LYZL2: variants seen among roughly 807,000 people sequenced by gnomAD.
LYZL2 encodes lysozyme like 2.
Under a neutral mutation model 17.1 loss-of-function variants are expected in LYZL2, and 13 were observed. The ratio of observed to expected loss-of-function variants is 0.76; its 90% CI spans 0.49 to 1.21. The LOEUF (loss-of-function observed/expected upper bound fraction) is 1.21, where lower values mean the gene tolerates loss of function less well. LYZL2 is among the 50% of genes most tolerant of loss of function. The pLI, the probability that LYZL2 is intolerant of heterozygous loss-of-function variation, is 0.00. For synonymous variants in LYZL2, 63 were observed against 74.4 expected, an observed-to-expected ratio of 0.85 and a Z score of 0.79; for missense variants, 166 against 189.2, an observed-to-expected ratio of 0.88 and a Z score of 0.72.
downstream of LYZL2, among the ~76,000 whole-genome samples, chr10:30,610,377 G>C (rs948833950): frequency 2.6e-5 from 4 of 152,180 alleles, no homozygotes; most frequent in Non-Finnish European, 4.4e-5. Context: ...AAAAGAATGA[G>C]TTCATGTCCT....
rs1391996788 is a variant in LYZL2, at chr10:30,626,223, T to C, written c.180A>G (p.Thr60=). The change falls in exon 3 of 5, where the codon ACA becomes ACG. Residue 60 remains threonine (T), a synonymous_variant. Coordinates refer to ENST00000647634, the MANE Select transcript of LYZL2 (RefSeq NM_183058.3). ...TGCCGTCATCCAGGACCGTCTGGGC[T>C]GTGGTGTTGTAGCCGCTCTCATAAT... The part of the protein sequence containing the change: ...MAYYESGYNT[T]AQTVLDDGSI... The C allele has an allele frequency of 1.2e-6, 2 of 1,614,230 alleles. No homozygotes were observed. Among genetic ancestry groups the C allele is most frequent in the Admixed American group, 1.7e-5 (1 of 60,030 alleles).
chr10:30,609,300 C>T (rs548204833), downstream of LYZL2, among the ~76,000 whole-genome samples: 4 of 152,254 alleles, frequency 2.6e-5, no homozygotes, highest in Middle Eastern at 3.4e-3. Flanking sequence ...ACACCAGCCA[C>T]GAGTTCAGAG....
Position 30,626,153 on chromosome 10 carries a change from T to C in LYZL2, c.250A>G (p.Arg84Gly), listed in dbSNP as rs753046206. ...IFQINSFAWC[R>G]RGKLKENNHC... ...TTGTTCTCCTTCAGCTTTCCGCGTC[T>C]GCACCACGCGAAGCTGTTGATCTGG... Residue 84 changes from arginine to glycine, a missense_variant, in exon 3 of 5, where the codon AGA becomes GGA. This residue lies in a region of LYZL2 where 134 missense variants were observed against 129.4 expected (regional missense o/e 1.04). Coordinates refer to ENST00000647634, the MANE Select transcript of LYZL2 (RefSeq NM_183058.3). 2 of 1,614,260 alleles carry C rather than the reference T, an allele frequency of 1.2e-6. No individual in the cohort carries two copies. Among genetic ancestry groups the C allele is most frequent in the East Asian group, 4.5e-5 (2 of 44,894 alleles).
downstream of LYZL2, among the ~76,000 whole-genome samples, chr10:30,610,508 A>C (rs1838419420): frequency 6.6e-6 from 1 of 152,192 alleles, no homozygotes. Context: ...ACACATGGAC[A>C]CTGGGAGCAG....
intron 1 of LYZL2, 37 bp from the exon 2 acceptor site, chr10:30,626,977 A>G (rs41288999): frequency 0.16 from 245,446 of 1,572,600 alleles, 9,326 homozygotes; most frequent in African/African-American, 0.36. Context: ...GACGATCTTG[A>G]TTCAGGAACT....
At chr10:30,610,918 C>T (rs1210502336), downstream of LYZL2, among the ~76,000 whole-genome samples, 2 of 152,134 alleles carry the variant, frequency 1.3e-5, no homozygotes, top group Non-Finnish European at 1.5e-5. Context: ...ACATCTCTTG[C>T]GTGCGTGTAG....
downstream of LYZL2, chr10:30,611,752 A>G: frequency 1.5e-6 from 1 of 661,788 alleles, no homozygotes; most frequent in Non-Finnish European, 2.3e-6. Flanking sequence ...AAAGAAAGAA[A>G]GGAAAGAAAG....
intron 1 of LYZL2, among the ~76,000 whole-genome samples, chr10:30,628,439 G>A (rs1275198157): frequency 6.6e-6 from 1 of 152,168 alleles, no homozygotes; most frequent in Non-Finnish European, 1.5e-5. Flanking sequence ...GGACAATAAA[G>A]AGGCCCCCAT....
At chr10:30,610,776 G>T (rs7087001), downstream of LYZL2, among the ~76,000 whole-genome samples, 2,526 of 152,082 alleles carry the variant, frequency 0.017, 71 homozygotes, top group African/African-American at 0.057. Flanking sequence ...AAAAGTGGAT[G>T]GTTTTCTTCA....
downstream of LYZL2, among the ~76,000 whole-genome samples, chr10:30,607,052 A>C (rs1180900978): frequency 6.6e-6 from 1 of 151,588 alleles, no homozygotes; most frequent in Non-Finnish European, 1.5e-5. Context: ...CTGGGATTAC[A>C]GGCACCCGCC....
intron 1 of LYZL2, among the ~76,000 whole-genome samples, chr10:30,627,935 G>T (rs372944325): frequency 1.3e-5 from 2 of 152,172 alleles, no homozygotes; most frequent in East Asian, 3.9e-4. Flanking sequence ...CGAGACGGGC[G>T]GATCACGAGG....
chr10:30,616,561 T>C (rs1838530980), intron 3 of LYZL2, among the ~76,000 whole-genome samples: 1 of 152,232 alleles, frequency 6.6e-6, no homozygotes, highest in Non-Finnish European at 1.5e-5. Context: ...TTGCCTATCT[T>C]CTTGAGATAT....
At chr10:30,628,033 G>GCA (rs1328279009) in intron 1 of LYZL2, among the ~76,000 whole-genome samples, 19 of 152,220 alleles carry the variant, frequency 1.2e-4, no homozygotes. Context: ...GGTGGCATGT[G>GCA]TCTGTAGTCC....
chr10:30,613,964 C>T (rs1251657932), intron 3 of LYZL2, among the ~76,000 whole-genome samples: 1 of 152,176 alleles, frequency 6.6e-6, no homozygotes, highest in Non-Finnish European at 1.5e-5. Context: ...CTGGCTTTGG[C>T]CTCCCAAAGT....
rs1438148588 is a variant in LYZL2, at chr10:30,612,824, A to G, written c.375T>C (p.Tyr125=). ...GTCTTCCAAGGAAAGACTCTTACCA[A>G]TAGTTCATTCCTTGTGTCTCTTTAA... is the stretch of plus-strand genomic sequence containing the variant. The part of the protein sequence containing the change: ...KIVKETQGMN[Y]WQGWKKHCEG... The change falls in exon 4 of 5, where the codon TAT becomes TAC. Residue 125 remains tyrosine (Y), a splice_region_variant and synonymous_variant. Coordinates refer to ENST00000647634, the MANE Select transcript of LYZL2 (RefSeq NM_183058.3). 5 of 1,611,252 alleles carry G rather than the reference A, an allele frequency of 3.1e-6. No homozygotes were observed. The highest frequency in any genetic ancestry group is 3.4e-6 in the Non-Finnish European group (4 of 1,177,376).
chr10:30,621,556 GTGT>G (rs1000117739), intron 3 of LYZL2, among the ~76,000 whole-genome samples: 1 of 152,080 alleles, frequency 6.6e-6, no homozygotes, highest in African/African-American at 2.4e-5. Flanking sequence ...TACACTCACA[GTGT>G]TGTTCTGAGA....
Position 30,629,673 on chromosome 10 carries a change from C to T in LYZL2, c.-106G>A, listed in dbSNP as rs369451269. ...CGGAAGAAACACTGCTCCACTTAGT[C>T]GGTGACAGGCAGCTCAGGGGAGCGT... On this transcript the variant is annotated 5_prime_UTR_variant, in exon 1 of 5. Transcript: ENST00000647634. 16 of 1,613,832 alleles carry T rather than the reference C, an allele frequency of 9.9e-6. No individual in the cohort carries two copies. In the Middle Eastern group the frequency reaches 6.6e-4, roughly 66 times the overall value.
At chr10:30,625,816 C>T (rs1588678496) in intron 3 of LYZL2, among the ~76,000 whole-genome samples, 1 of 152,242 alleles carries the variant, frequency 6.6e-6, no homozygotes, top group Non-Finnish European at 1.5e-5. Context: ...TTACTGAAGA[C>T]ATCAAATATC....
At chr10:30,625,762 G>A (rs1429843399) in intron 3 of LYZL2, among the ~76,000 whole-genome samples, 3 of 152,242 alleles carry the variant, frequency 2.0e-5, no homozygotes, top group Non-Finnish European at 4.4e-5. Flanking sequence ...CATCCTTTGA[G>A]TGAATTGCTT....
Sources: gnomAD v4.1 joint callset for allele counts (sites outside exome capture counted in the v4.1 genomes callset) on GRCh38, gnomAD v4.1.1 for gene constraint, gnomAD v4.1.1 regional missense constraint, MANE v1.5 for transcripts, NCBI Gene and HGNC (gene_info 2026-07-23, HGNC 2026-07-21) for gene names.